RBFOX2: variants seen among roughly 807,000 people sequenced by gnomAD.
The protein encoded by RBFOX2 is RNA binding fox-1 homolog 2, also known as RNA binding protein fox-1 homolog 2.
A neutral mutation model predicts 49.1 loss-of-function variants in RBFOX2; 10 were observed. That is an observed-to-expected ratio of 0.20 (90% CI 0.13 to 0.35). The LOEUF is 0.35. Ranked by LOEUF, RBFOX2 falls within the 10% of genes least tolerant of loss-of-function variation. RBFOX2 has a pLI of 1.00. For synonymous variants in RBFOX2, 183 were observed against 187.4 expected (o/e 0.98, Z 0.19); for missense variants, 323 against 486.9 (o/e 0.66, Z 3.17).
chr22:35,791,019 C>G (rs943631846), intron 2 of RBFOX2, among the ~76,000 whole-genome samples: 16 of 150,778 alleles, frequency 1.1e-4, no homozygotes, highest in African/African-American at 3.2e-4. Flanking sequence ...AAACAAAAAA[C>G]AAACACACAC....
At chr22:35,906,097 A>G (rs1171374057) in intron 1 of RBFOX2, among the ~76,000 whole-genome samples, 1 of 152,196 alleles carries the variant, frequency 6.6e-6, no homozygotes, top group African/African-American at 2.4e-5. Context: ...ACATTTCTCA[A>G]AAAGTATCCT....
At chr22:35,753,195 T>G (rs1935601170) in intron 9 of RBFOX2, among the ~76,000 whole-genome samples, 1 of 152,228 alleles carries the variant, frequency 6.6e-6, no homozygotes, top group Non-Finnish European at 1.5e-5. Flanking sequence ...TAATATGCCT[T>G]TCGGAGGAAA....
At position 35,795,628 on chromosome 22, in the gene RBFOX2, CAAAAAAAAAAAAAAA is replaced by C. The variant is rs139555281; in HGVS notation, c.253-13897_253-13883del. ...TCCAGAGAAGGGGTGTGTAGAAAAG[CAAAAAAAAAAAAAAA>C]AAAAAAAAAAATCCTCTGAGCATAA... On this transcript the variant is annotated intron_variant, in intron 2 of 11. Transcript: ENST00000405409. Among the ~76,000 whole-genome samples the C allele has an allele frequency of 8.9e-5, 3 of 33,574 alleles. No individual in the cohort carries two copies. In the Admixed American group the frequency reaches 1.1e-3, roughly 13 times the overall value. 22.0% of individuals were successfully genotyped at this position (33,574 alleles called of 152,430 possible). A position where few individuals can be genotyped will look rare whatever the true frequency, so the allele number is the denominator to read the frequency against.
At chr22:35,836,138 C>T (rs547598486) in intron 1 of RBFOX2, among the ~76,000 whole-genome samples, 1 of 151,956 alleles carries the variant, frequency 6.6e-6, no homozygotes, top group South Asian at 2.1e-4. Context: ...GGCAGGCAAC[C>T]GAATGGAATC....
chr22:35,885,222 G>A (rs1017550317), intron 1 of RBFOX2, among the ~76,000 whole-genome samples: 1 of 151,974 alleles, frequency 6.6e-6, no homozygotes, highest in African/African-American at 2.4e-5. Context: ...TTCCCAACAC[G>A]TGCTCTGACC....
At chr22:35,989,565 A>G (rs2057877471) in intron 1 of RBFOX2, among the ~76,000 whole-genome samples, 1 of 152,206 alleles carries the variant, frequency 6.6e-6, no homozygotes, top group South Asian at 2.1e-4. Context: ...TGGCTTGTAG[A>G]AGGGAGGAGA....
At chr22:35,783,048 G>A (rs5755948) in intron 2 of RBFOX2, among the ~76,000 whole-genome samples, 35,090 of 151,910 alleles carry the variant, frequency 0.23, 6,395 homozygotes, top group African/African-American at 0.51. Context: ...ACCATAACCC[G>A]GTAAATTGAA....
At chr22:35,811,318 A>G (rs1157258285) in intron 1 of RBFOX2, among the ~76,000 whole-genome samples, 1 of 152,190 alleles carries the variant, frequency 6.6e-6, no homozygotes, top group Non-Finnish European at 1.5e-5. Context: ...GTTTTTAAAG[A>G]TAAGGTCTTT....
intron 4 of RBFOX2, among the ~76,000 whole-genome samples, chr22:35,773,700 A>G (rs996933953): frequency 2.6e-5 from 4 of 152,124 alleles, no homozygotes; most frequent in Non-Finnish European, 5.9e-5. Context: ...ATTTTAATAC[A>G]TATCCATTCA....
intron 1 of RBFOX2, among the ~76,000 whole-genome samples, chr22:35,862,585 A>C (rs2043221372): frequency 6.6e-6 from 1 of 152,200 alleles, no homozygotes; most frequent in Admixed American, 6.6e-5. Context: ...CCACTTCAGG[A>C]GGGCAGGTAC....
At chr22:36,023,789 C>G (rs897741318) in intron 1 of RBFOX2, among the ~76,000 whole-genome samples, 1 of 152,158 alleles carries the variant, frequency 6.6e-6, no homozygotes, top group African/African-American at 2.4e-5. Context: ...CTTTCCAGGG[C>G]TGCACTGACT....
intron 1 of RBFOX2, among the ~76,000 whole-genome samples, chr22:35,817,387 G>A (rs1953342552): frequency 6.6e-6 from 1 of 152,034 alleles, no homozygotes. Context: ...TGAAGCACGA[G>A]AATCACTTGA....
chr22:36,023,155 G>A (rs2059308562), intron 1 of RBFOX2, among the ~76,000 whole-genome samples: 1 of 152,038 alleles, frequency 6.6e-6, no homozygotes, highest in African/African-American at 2.4e-5. Flanking sequence ...AGGGCACAAA[G>A]AGACATCCAC....
At chr22:35,840,534 C>G in exon 1 of RBFOX2, 1 of 1,216,324 alleles carries the variant, frequency 8.2e-7, no homozygotes, top group Admixed American at 3.6e-5. Context: ...CTCCCCCCAC[C>G]CCCTCCCAGC....
In RBFOX2 at chr22:35,749,389, G is replaced by T. The variant is rs955806066; in HGVS notation, c.888-2828C>A. On this transcript the variant is annotated intron_variant, in intron 9 of 11. Coordinates refer to ENST00000405409, the Ensembl canonical transcript of RBFOX2. This position sits in a 1 kb window ranked among gnomAD's most constrained non-coding sequence, Gnocchi z 4.1. ...CATTACAGAGAAACCTTTAAAAGAT[G>T]AACTATTTTAGGATAGATAGGCAAT... 6.6e-6 allele frequency among the ~76,000 whole-genome samples: 1 copy of T among 151,984 alleles called. No homozygotes were observed. The highest frequency in any genetic ancestry group is 2.4e-5 in the African/African-American group (1 of 41,354).
At chr22:35,970,242 AT>A (rs906452271) in intron 1 of RBFOX2, among the ~76,000 whole-genome samples, 1 of 152,176 alleles carries the variant, frequency 6.6e-6, no homozygotes, top group Non-Finnish European at 1.5e-5. Flanking sequence ...AGCATCAAAA[AT>A]ATCCCAAAAA....
chr22:35,771,406 G>A (rs905558910), intron 4 of RBFOX2, among the ~76,000 whole-genome samples: 3 of 152,146 alleles, frequency 2.0e-5, no homozygotes, highest in African/African-American at 7.2e-5. Context: ...AGATAGAAAA[G>A]GGGAGAAAAC....
At chr22:35,933,914 TA>T (rs1307935394) in intron 1 of RBFOX2, among the ~76,000 whole-genome samples, 1 of 134,054 alleles carries the variant, frequency 7.5e-6, no homozygotes, top group Non-Finnish European at 1.5e-5. Context: ...CTTATAATTA[TA>T]TAATTAAATG....
At chr22:35,977,466 T>C (rs1461645904) in intron 1 of RBFOX2, among the ~76,000 whole-genome samples, 4 of 151,882 alleles carry the variant, frequency 2.6e-5, no homozygotes, top group African/African-American at 9.7e-5. Context: ...AGCTACATAA[T>C]ACATGATTCC....
Sources: allele counts gnomAD v4.1 joint callset (sites outside exome capture counted in the v4.1 genomes callset), GRCh38; gene constraint gnomAD v4.1.1; non-coding constraint Gnocchi (gnomAD v3.1); transcripts MANE v1.5; gene names NCBI Gene and HGNC (gene_info 2026-07-23, HGNC 2026-07-21).